SCIN: variants seen among roughly 807,000 people sequenced by gnomAD.
The protein encoded by SCIN is adseverin.
A neutral mutation model predicts 91.8 loss-of-function variants in SCIN; 91 were observed. The observed-to-expected ratio is 0.99, with a 90% CI of 0.84 to 1.18. The LOEUF (loss-of-function observed/expected upper bound fraction) is 1.18, where lower values mean the gene tolerates loss of function less well. Among genes scored for constraint, SCIN ranks in the 50% most tolerant of loss-of-function variants. The probability of loss-of-function intolerance (pLI) is 0.00; values close to 1 mark genes in which losing one functional copy is unlikely to be tolerated. For synonymous variants in SCIN, 367 were observed against 312.6 expected (o/e 1.17, Z -1.84); for missense variants, 1,087 against 863.9 (o/e 1.26, Z -3.24).
intron 3 of SCIN, among the ~76,000 whole-genome samples, chr7:12,584,686 C>A (rs909188928): frequency 6.6e-6 from 1 of 151,996 alleles, no homozygotes; most frequent in African/African-American, 2.4e-5. Flanking sequence ...CCAGATCTTA[C>A]CAATTTACAG....
intron 4 of SCIN, among the ~76,000 whole-genome samples, chr7:12,605,405 C>T (rs1168647242): frequency 6.6e-6 from 1 of 152,108 alleles, no homozygotes; most frequent in Non-Finnish European, 1.5e-5. Context: ...TTAACAGTTG[C>T]AGGTTGAGTA....
chr7:12,646,335 T>C (rs575234203), intron 13 of SCIN, among the ~76,000 whole-genome samples: 1 of 152,292 alleles, frequency 6.6e-6, no homozygotes, highest in African/African-American at 2.4e-5. Flanking sequence ...GGGACCACTG[T>C]CTAGCCTTCT....
intron 11 of SCIN, among the ~76,000 whole-genome samples, chr7:12,642,108 AATAAT>A (rs1207019108): frequency 4.0e-5 from 6 of 151,818 alleles, no homozygotes; most frequent in South Asian, 2.1e-4. Context: ...ATTAGCAATA[AATAAT>A]ATATTTGTGT....
chr7:12,600,892 A>C (rs1782943589), intron 3 of SCIN, among the ~76,000 whole-genome samples: 1 of 152,174 alleles, frequency 6.6e-6, no homozygotes, highest in Non-Finnish European at 1.5e-5. Context: ...TTGACTTATC[A>C]CTGGGAGCCC....
intron 8 of SCIN, 23 bp downstream of exon 8, chr7:12,626,822 A>G (rs1178306886): frequency 1.9e-6 from 3 of 1,575,398 alleles, no homozygotes; most frequent in African/African-American, 1.3e-5. Context: ...TTTTGTTTTT[A>G]TCAAGCCCAT....
intron 11 of SCIN, 130 bp from the exon 12 acceptor site, chr7:12,644,008 C>T (rs949384315): frequency 8.0e-5 from 63 of 783,106 alleles, no homozygotes; most frequent in Non-Finnish European, 1.2e-4. Context: ...CCCAGAGCGG[C>T]TCTGAATTAA....
rs1562642317 is a variant in SCIN, at chr7:12,657,555, TA to T, written c.*4841del. 23 of 20,576 alleles carry T rather than the reference TA, an allele frequency of 1.1e-3. No homozygotes were observed. The highest frequency in any genetic ancestry group is 2.1e-3 in the Non-Finnish European group (18 of 8,594). The allele number at this position is 20,576 out of a possible 1,614,324, so 1.3% of individuals were successfully genotyped here. A position where few individuals can be genotyped will look rare whatever the true frequency, so the allele number is the denominator to read the frequency against. ...ATGTGTGTGTATATATATATATATA[TA>T]TATATATATATATATATTTTTTTTT... On this transcript the variant is annotated 3_prime_UTR_variant, in exon 16 of 16. Coordinates refer to ENST00000297029, the MANE Select transcript of SCIN (RefSeq NM_001112706.3).
At chr7:12,633,083 T>C (rs911010469) in intron 9 of SCIN, among the ~76,000 whole-genome samples, 1 of 152,218 alleles carries the variant, frequency 6.6e-6, no homozygotes, top group Non-Finnish European at 1.5e-5. Context: ...AAGACTGGCT[T>C]TTAAATTAAA....
At chr7:12,624,036 AAAG>A (rs1783462911) in intron 5 of SCIN, among the ~76,000 whole-genome samples, 1 of 152,234 alleles carries the variant, frequency 6.6e-6, no homozygotes, top group African/African-American at 2.4e-5. Flanking sequence ...ATTATGAACT[AAAG>A]AAGTATTTTT....
rs115547107 is a variant in SCIN, at chr7:12,609,697, C to T, written c.666+5034C>T. ...CTTTTTAAATATAGTTTAATGAATT[C>T]GTTAAGCCTATAATCATTGTAAATG... On this transcript the variant is annotated intron_variant, in intron 4 of 15. Coordinates refer to ENST00000297029, the MANE Select transcript of SCIN (RefSeq NM_001112706.3). 7.9e-3 allele frequency among the ~76,000 whole-genome samples: 1,200 copies of T among 152,172 alleles called. 24 individuals carry two copies. Among genetic ancestry groups the T allele is most frequent in the African/African-American group, 0.028 (1,143 of 41,534 alleles).
intron 3 of SCIN, among the ~76,000 whole-genome samples, chr7:12,587,538 T>C (rs1020044660): frequency 1.3e-5 from 2 of 152,230 alleles, no homozygotes; most frequent in Non-Finnish European, 2.9e-5. Context: ...TGGCCACATA[T>C]CACTACAACA....
At chr7:12,607,892 C>T (rs182928828) in intron 4 of SCIN, among the ~76,000 whole-genome samples, 150 of 152,242 alleles carry the variant, frequency 9.9e-4, no homozygotes, top group Non-Finnish European at 4.3e-4. Flanking sequence ...ACAAAAAGCC[C>T]ATGAACTTGG....
chr7:12,595,384 A>T (rs1304063688), intron 3 of SCIN, among the ~76,000 whole-genome samples: 1 of 149,460 alleles, frequency 6.7e-6, no homozygotes, highest in East Asian at 2.0e-4. Flanking sequence ...GTAGGGCTGT[A>T]AGCAAGTCTG....
intron 3 of SCIN, among the ~76,000 whole-genome samples, chr7:12,598,109 A>G: frequency 6.6e-6 from 1 of 152,244 alleles, no homozygotes; most frequent in East Asian, 1.9e-4. Context: ...AATCAAGTCA[A>G]TGAATGGTTT....
intron 10 of SCIN, 88 bp downstream of exon 10, chr7:12,636,223 G>A (rs934953181): frequency 1.1e-6 from 1 of 883,836 alleles, no homozygotes; most frequent in Non-Finnish European, 1.8e-6. Context: ...AGTTGGGATA[G>A]AAATTTGACA....
At chr7:12,628,529 C>T (rs1385217165) in intron 8 of SCIN, among the ~76,000 whole-genome samples, 1 of 152,128 alleles carries the variant, frequency 6.6e-6, no homozygotes, top group Non-Finnish European at 1.5e-5. Flanking sequence ...AAGGCTCCAG[C>T]CTCATGACCT....
intron 2 of SCIN, among the ~76,000 whole-genome samples, chr7:12,579,340 A>G (rs1782442126): frequency 6.6e-6 from 1 of 152,152 alleles, no homozygotes; most frequent in Non-Finnish European, 1.5e-5. Context: ...ATACAAAACT[A>G]TTACCTCTCA....
At position 12,651,956 on chromosome 7, in the gene SCIN, T is replaced by C; in HGVS notation, c.2020+55T>C. 1 of 1,225,874 alleles carries C rather than the reference T, an allele frequency of 8.2e-7. No individual in the cohort carries two copies. The highest frequency in any genetic ancestry group is 1.2e-6 in the Non-Finnish European group (1 of 852,470). The allele number at this position is 1,225,874 out of a possible 1,614,324, so 75.9% of individuals were successfully genotyped here. A position where few individuals can be genotyped will look rare whatever the true frequency, so the allele number is the denominator to read the frequency against. ...GTAACCGGGCACCATTATGACCGAG[T>C]GTCTGGCTTGCTCTTTGCCACCATG... is the stretch of plus-strand genomic sequence containing the variant. On this transcript the variant is annotated intron_variant, in intron 15 of 15. Transcript: ENST00000297029. This position sits in a 1 kb window ranked among gnomAD's most constrained non-coding sequence, Gnocchi z 5.9.
Position 12,570,729 on chromosome 7 carries a change from C to T in SCIN, c.-58C>T, listed in dbSNP as rs769586096. On this transcript the variant is annotated 5_prime_UTR_variant, in exon 1 of 16. Coordinates refer to ENST00000297029, the MANE Select transcript of SCIN (RefSeq NM_001112706.3). ...CGAATAAGGTTCCTCCTGCTGCTCTCGGTTTAGTCCAAGATCAGCGATATC... is the reference window on the plus strand; with the variant it reads ...CGAATAAGGTTCCTCCTGCTGCTCTTGGTTTAGTCCAAGATCAGCGATATC... 2 of 1,521,872 alleles carry T rather than the reference C, an allele frequency of 1.3e-6. No homozygotes were observed. Among genetic ancestry groups the T allele is most frequent in the Non-Finnish European group, 1.8e-6 (2 of 1,128,060 alleles). 94.3% of individuals were successfully genotyped at this position (1,521,872 alleles called of 1,614,324 possible).
Sources: gnomAD v4.1 joint callset for allele counts (sites outside exome capture counted in the v4.1 genomes callset) on GRCh38, gnomAD v4.1.1 for gene constraint, Gnocchi (gnomAD v3.1) non-coding constraint, MANE v1.5 for transcripts, NCBI Gene and HGNC (gene_info 2026-07-23, HGNC 2026-07-21) for gene names.